Variants in EYS observed in about 807,000 individuals in gnomAD.
EYS encodes the protein EGF-like photoreceptor maintenance factor.
A neutral mutation model predicts 282.1 loss-of-function variants in EYS; 250 were observed. The observed-to-expected ratio is 0.89, with a 90% CI of 0.80 to 0.98. EYS has a LOEUF of 0.98. Among genes scored for constraint, EYS ranks in the 50% least tolerant of loss-of-function variants. The probability of loss-of-function intolerance (pLI) is 0.00; values close to 1 mark genes in which losing one functional copy is unlikely to be tolerated. For synonymous variants in EYS, 1,355 were observed against 1,282.9 expected (o/e 1.06, Z -1.20); for missense variants, 4,016 against 3,709.0 (o/e 1.08, Z -2.15).
At chr6:64,791,909 T>C (rs1186041217) in intron 22 of EYS, among the ~76,000 whole-genome samples, 1 of 151,910 alleles carries the variant, frequency 6.6e-6, no homozygotes, top group African/African-American at 2.4e-5. Flanking sequence ...GATTTTAATA[T>C]ACTTTTCATA....
At chr6:63,773,603 C>T (rs1769988963) in intron 40 of EYS, among the ~76,000 whole-genome samples, 1 of 152,106 alleles carries the variant, frequency 6.6e-6, no homozygotes, top group African/African-American at 2.4e-5. Context: ...CAGTGGAAAA[C>T]CAGGAAACAT....
chr6:65,466,165 A>G (rs1464168925), intron 5 of EYS, among the ~76,000 whole-genome samples: 1 of 152,134 alleles, frequency 6.6e-6, no homozygotes, highest in South Asian at 2.1e-4. Context: ...ATTATAATGT[A>G]TATATGATTT....
chr6:63,999,341 T>C (rs560009244), intron 33 of EYS, among the ~76,000 whole-genome samples, 158 bp from the exon 34 acceptor site: 1 of 152,318 alleles, frequency 6.6e-6, no homozygotes, highest in South Asian at 2.1e-4. Context: ...CATTTTCAAG[T>C]AGATAAAAGA....
intron 30 of EYS, among the ~76,000 whole-genome samples, chr6:64,268,379 T>C (rs1379942998): frequency 1.3e-5 from 2 of 152,088 alleles, no homozygotes; most frequent in African/African-American, 4.8e-5. Context: ...GGAATAGAGA[T>C]AGAGTTCTGA....
At chr6:65,426,709 T>C (rs1317490602) in intron 5 of EYS, among the ~76,000 whole-genome samples, 1 of 152,130 alleles carries the variant, frequency 6.6e-6, no homozygotes, top group African/African-American at 2.4e-5. Context: ...TCTTTTACTA[T>C]ATACCCTTCT....
intron 29 of EYS, among the ~76,000 whole-genome samples, chr6:64,325,429 A>C (rs567215859): frequency 6.6e-6 from 1 of 152,200 alleles, no homozygotes; most frequent in Non-Finnish European, 1.5e-5. Flanking sequence ...CTTTAGCCCT[A>C]GACCTTTCCT....
chr6:65,528,547 C>A lies in EYS; in HGVS notation c.-332-32554G>T, dbSNP rs1767650759. Among the ~76,000 whole-genome samples the A allele has an allele frequency of 2.0e-5, 3 of 152,154 alleles. No individual in the cohort carries two copies. In the South Asian group the frequency reaches 6.2e-4, roughly 32 times the overall value. On this transcript the variant is annotated intron_variant, in intron 2 of 42. Coordinates refer to ENST00000503581, the MANE Select transcript of EYS (RefSeq NM_001142800.2). ...TTCCTTTGTAAAAAAGTAACTTGAC[C>A]CCCTCTTGCCGTCTCTCACCCTCTT... is the stretch of plus-strand genomic sequence containing the variant.
intron 26 of EYS, among the ~76,000 whole-genome samples, chr6:64,455,197 T>C (rs571465724): frequency 6.6e-6 from 1 of 152,184 alleles, no homozygotes; most frequent in South Asian, 2.1e-4. Flanking sequence ...TAGGCAGGCA[T>C]GAGCCACCAC....
intron 31 of EYS, among the ~76,000 whole-genome samples, chr6:64,151,325 A>ATATT (rs1774708911): frequency 6.4e-5 from 5 of 78,630 alleles, no homozygotes; most frequent in Admixed American, 1.1e-4. Flanking sequence ...ATTTATATAT[A>ATATT]TATATATATA....
At chr6:65,170,160 G>A (rs1314586939) in intron 12 of EYS, among the ~76,000 whole-genome samples, 1 of 151,134 alleles carries the variant, frequency 6.6e-6, no homozygotes, top group African/African-American at 2.4e-5. Context: ...TGAAGATGTT[G>A]GATTTTTACA....
intron 40 of EYS, among the ~76,000 whole-genome samples, chr6:63,773,035 A>G (rs1769975763): frequency 6.6e-6 from 1 of 152,130 alleles, no homozygotes; most frequent in Admixed American, 6.5e-5. Context: ...AACATATAAA[A>G]GGTCTTTTTT....
intron 5 of EYS, among the ~76,000 whole-genome samples, chr6:65,469,148 C>T (rs962201142): frequency 6.6e-6 from 1 of 151,966 alleles, no homozygotes; most frequent in Non-Finnish European, 1.5e-5. Context: ...TACATCCATT[C>T]CTTTTCTGAA....
chr6:64,316,333 A>C (rs1194755923), intron 29 of EYS, among the ~76,000 whole-genome samples: 1 of 152,184 alleles, frequency 6.6e-6, no homozygotes, highest in African/African-American at 2.4e-5. Flanking sequence ...GTCTCAGCCC[A>C]AAATCTCCAG....
At chr6:65,180,101 A>C (rs1328287271) in intron 12 of EYS, among the ~76,000 whole-genome samples, 1 of 151,704 alleles carries the variant, frequency 6.6e-6, no homozygotes, top group Non-Finnish European at 1.5e-5. Context: ...CCAATATCAT[A>C]CTGAATGGGC....
rs576383277 is a variant in EYS, at chr6:65,409,989, C to A, written c.863-4622G>T. ...TATATAAGCATTTATTTTGATCATA[C>A]AAAGAGTAAATATGTATTTCTCCAT... On this transcript the variant is annotated intron_variant, in intron 5 of 42. Transcript: ENST00000503581. 2.6e-5 allele frequency among the ~76,000 whole-genome samples: 4 copies of A among 151,940 alleles called. No individual in the cohort carries two copies. In the South Asian group the frequency reaches 8.3e-4, roughly 32 times the overall value.
intron 14 of EYS, among the ~76,000 whole-genome samples, chr6:64,966,036 G>A (rs781622800): frequency 5.0e-4 from 76 of 152,072 alleles, no homozygotes; most frequent in Non-Finnish European, 1.0e-3. Flanking sequence ...ACTGGGTTGC[G>A]AAATGGGTAT....
At chr6:64,095,146 C>A (rs1772544025) in intron 31 of EYS, among the ~76,000 whole-genome samples, 1 of 152,146 alleles carries the variant, frequency 6.6e-6, no homozygotes. Flanking sequence ...TGTTCTTTTA[C>A]ATTTGCTGAG....
chr6:64,380,414 G>A (rs1417109424), intron 29 of EYS, among the ~76,000 whole-genome samples: 4 of 152,028 alleles, frequency 2.6e-5, no homozygotes, highest in African/African-American at 7.2e-5. Context: ...GTGATGTACG[G>A]ACATTTTTCA....
intron 5 of EYS, among the ~76,000 whole-genome samples, chr6:65,487,079 G>T (rs1259354157): frequency 1.3e-5 from 2 of 152,188 alleles, no homozygotes; most frequent in African/African-American, 2.4e-5. Flanking sequence ...TTTGGGCTCA[G>T]ACAATGGGGT....
Sources: allele counts gnomAD v4.1 joint callset (sites outside exome capture counted in the v4.1 genomes callset), GRCh38; gene constraint gnomAD v4.1.1; transcripts MANE v1.5; gene names NCBI Gene and HGNC (gene_info 2026-07-23, HGNC 2026-07-21).